The following FLT1 variants were observed in gnomAD, a reference collection of about 807,000 sequenced individuals.
FLT1 encodes the protein fms related receptor tyrosine kinase 1, also known as vascular endothelial growth factor receptor 1.
In FLT1, 49 loss-of-function variants were observed where a neutral mutation model predicts 156.3. The observed-to-expected ratio is 0.31, with a 90% CI of 0.25 to 0.40. FLT1 has a LOEUF of 0.40. Ranked by LOEUF, FLT1 falls within the 10% of genes least tolerant of loss-of-function variation. FLT1 has a pLI of 1.00. For synonymous variants in FLT1, 594 were observed against 583.8 expected (o/e 1.02, Z -0.25); for missense variants, 1,322 against 1,637.2 (o/e 0.81, Z 3.32).
rs1464816369 is a variant in FLT1 at position 28,321,456 on chromosome 13, GACTT to G, written c.3174+3_3174+6del. ...ACATGAGTCAAATAAACATCAAACT[GACTT>G]ACATCTCCTTTTCTCACATAATCGG... On this transcript the variant is annotated splice_donor_5th_base_variant and intron_variant, in intron 23 of 29. Coordinates refer to ENST00000282397, the MANE Select transcript of FLT1 (RefSeq NM_002019.4). The G allele has an allele frequency of 4.3e-6, 7 of 1,613,706 alleles. No individual in the cohort carries two copies. In the Admixed American group the frequency reaches 1.0e-4, roughly 23 times the overall value.
chr13:28,331,837 A>G (rs1216150340), intron 18 of FLT1, among the ~76,000 whole-genome samples: 1 of 150,984 alleles, frequency 6.6e-6, no homozygotes, highest in Non-Finnish European at 1.5e-5. Flanking sequence ...GCAGTCTTTT[A>G]CAATCAATGC....
At chr13:28,468,095 C>T (rs1198245978) in intron 1 of FLT1, among the ~76,000 whole-genome samples, 2 of 152,114 alleles carry the variant, frequency 1.3e-5, no homozygotes, top group Non-Finnish European at 2.9e-5. Flanking sequence ...CAGAAATTTT[C>T]CTGGGCTCTG....
intron 10 of FLT1, among the ~76,000 whole-genome samples, chr13:28,408,759 G>A (rs762680852): frequency 6.6e-6 from 1 of 152,202 alleles, no homozygotes; most frequent in Non-Finnish European, 1.5e-5. Flanking sequence ...CAAGGCCACT[G>A]TTATCAGCCT....
intron 10 of FLT1, among the ~76,000 whole-genome samples, chr13:28,412,859 G>C (rs953661711): frequency 1.3e-5 from 2 of 151,736 alleles, no homozygotes; most frequent in Non-Finnish European, 2.9e-5. Flanking sequence ...ACCACGGCCG[G>C]CCACGTTCTC....
intron 17 of FLT1, among the ~76,000 whole-genome samples, chr13:28,337,429 A>C (rs1872160239): frequency 6.6e-6 from 1 of 152,238 alleles, no homozygotes; most frequent in Non-Finnish European, 1.5e-5. Context: ...GCTAGACATT[A>C]CTTCAAATTA....
intron 10 of FLT1, among the ~76,000 whole-genome samples, chr13:28,422,685 TG>T (rs1484107514): frequency 6.6e-6 from 1 of 152,152 alleles, no homozygotes; most frequent in African/African-American, 2.4e-5. Context: ...ATCCCGTTTG[TG>T]GGGAACAGAT....
chr13:28,374,701 G>C (rs1367470543), intron 14 of FLT1, among the ~76,000 whole-genome samples: 1 of 151,904 alleles, frequency 6.6e-6, no homozygotes, highest in East Asian at 1.9e-4. Flanking sequence ...TTTTAGTAGA[G>C]ACAGGGTTTC....
At position 28,300,897 on chromosome 13, in the gene FLT1, A is replaced by G. The variant is rs985536978; in HGVS notation, c.*2270T>C. On this transcript the variant is annotated 3_prime_UTR_variant, in exon 30 of 30. Transcript: ENST00000282397. ...AATTTTCAGTGCTATTTTAATGAAC[A>G]AGCACTTTGTAACTAGCTCATTATT... The G allele has an allele frequency of 8.6e-6, 2 of 233,088 alleles. No individual in the cohort carries two copies. Among genetic ancestry groups the G allele is most frequent in the Non-Finnish European group, 1.7e-5 (2 of 118,012 alleles). The allele number at this position is 233,088 out of a possible 1,614,324, so 14.4% of individuals were successfully genotyped here.
chr13:28,385,819 A>G, intron 13 of FLT1: 3 of 1,049,652 alleles, frequency 2.9e-6, no homozygotes, highest in Non-Finnish European at 3.5e-6. Flanking sequence ...AAAATCCCAC[A>G]TAAGAACAGC....
intron 14 of FLT1, among the ~76,000 whole-genome samples, chr13:28,365,395 C>T (rs1007965641): frequency 6.6e-5 from 10 of 151,904 alleles, no homozygotes; most frequent in African/African-American, 2.4e-4. Context: ...CTCTGTCGCC[C>T]AGGCTAGAGT....
chr13:28,361,019 C>T (rs1873093711), intron 14 of FLT1, among the ~76,000 whole-genome samples: 1 of 152,148 alleles, frequency 6.6e-6, no homozygotes, highest in South Asian at 2.1e-4. Context: ...TGGCTCATGC[C>T]TGTAATCCCA....
chr13:28,369,132 A>G (rs1188165974), intron 14 of FLT1, among the ~76,000 whole-genome samples: 1 of 152,236 alleles, frequency 6.6e-6, no homozygotes, highest in African/African-American at 2.4e-5. Flanking sequence ...GACTTTCCAC[A>G]AAGGAGATTT....
At chr13:28,396,712 A>G (rs932508502) in intron 12 of FLT1, 20 of 608,904 alleles carry the variant, frequency 3.3e-5, no homozygotes, top group Non-Finnish European at 5.1e-5. Flanking sequence ...AAGATTCCCA[A>G]TTCATAATCC....
At chr13:28,315,265 TA>T (rs1871152675) in intron 25 of FLT1, among the ~76,000 whole-genome samples, 1 of 152,156 alleles carries the variant, frequency 6.6e-6, no homozygotes, top group South Asian at 2.1e-4. Flanking sequence ...TAATAAAAAC[TA>T]ATTTCAGGCC....
intron 1 of FLT1, among the ~76,000 whole-genome samples, chr13:28,483,425 C>T (rs554224988): frequency 2.0e-5 from 3 of 152,192 alleles, no homozygotes; most frequent in African/African-American, 7.2e-5. Flanking sequence ...TACACCATTC[C>T]GTATAATTTC....
chr13:28,347,392 G>T (rs1872603474), intron 15 of FLT1, among the ~76,000 whole-genome samples: 1 of 152,064 alleles, frequency 6.6e-6, no homozygotes, highest in Non-Finnish European at 1.5e-5. Flanking sequence ...GCTGGGTGTG[G>T]TGGGGGGGCA....
chr13:28,411,238 G>A (rs1001423395), intron 10 of FLT1, among the ~76,000 whole-genome samples: 9 of 151,560 alleles, frequency 5.9e-5, no homozygotes, highest in African/African-American at 1.9e-4. Context: ...CCTTCTACTG[G>A]CTGATACATT....
intron 9 of FLT1, among the ~76,000 whole-genome samples, 182 bp downstream of exon 9, chr13:28,427,570 C>T (rs1027980689): frequency 6.6e-6 from 1 of 152,058 alleles, no homozygotes; most frequent in Admixed American, 6.5e-5. Flanking sequence ...GATCATGCCG[C>T]CTATGGAATA....
At chr13:28,320,513 C>T (rs1456969106) in intron 23 of FLT1, among the ~76,000 whole-genome samples, 1 of 151,700 alleles carries the variant, frequency 6.6e-6, no homozygotes, top group African/African-American at 2.4e-5. Context: ...AATTCGTAAA[C>T]TTTCTTAAAA....
Sources: gnomAD v4.1 joint callset for allele counts (sites outside exome capture counted in the v4.1 genomes callset) on GRCh38, gnomAD v4.1.1 for gene constraint, MANE v1.5 for transcripts, NCBI Gene and HGNC (gene_info 2026-07-23, HGNC 2026-07-21) for gene names.